The following GPC3 variants were observed in gnomAD, a reference collection of about 807,000 sequenced individuals.
The protein encoded by GPC3 is glypican 3.
In GPC3, 3 loss-of-function variants were observed where a neutral mutation model predicts 34.4. The ratio of observed to expected loss-of-function variants is 0.09; its 90% CI spans 0.04 to 0.23. GPC3 has a LOEUF of 0.23. Ranked by LOEUF, GPC3 falls within the 10% of genes least tolerant of loss-of-function variation. GPC3 has a pLI of 1.00. For synonymous variants in GPC3, 177 were observed against 174.0 expected (o/e 1.02, Z -0.13); for missense variants, 351 against 445.6 (o/e 0.79, Z 1.91).
At chrX:133,758,408 A>G (rs1405609875) in intron 2 of GPC3, among the ~76,000 whole-genome samples, 3 of 111,699 alleles carry the variant, frequency 2.7e-5, no homozygotes, top group Non-Finnish European at 5.6e-5. Flanking sequence ...AGGAACATGA[A>G]TGGAGCTGGA....
At chrX:133,788,088 TTATATATATATATATATATATA>T (rs56318773) in intron 2 of GPC3, among the ~76,000 whole-genome samples, 10 of 64,945 alleles carry the variant, frequency 1.5e-4, no homozygotes, top group African/African-American at 7.0e-5. Context: ...TCATATTATT[TTATATATATATATATATATATA>T]TATATATATA....
intron 5 of GPC3, among the ~76,000 whole-genome samples, chrX:133,675,261 G>T (rs749637584): frequency 5.4e-5 from 6 of 111,689 alleles, no homozygotes; most frequent in Non-Finnish European, 9.4e-5. Context: ...TCACTTCCAG[G>T]CCTCAAACCT....
intron 1 of GPC3, among the ~76,000 whole-genome samples, chrX:133,975,774 T>C (rs767496804): frequency 8.9e-6 from 1 of 112,483 alleles, no homozygotes; most frequent in East Asian, 2.8e-4. Context: ...TTAAAAACTT[T>C]TAAATATTTA....
intron 2 of GPC3, chrX:133,763,581 C>A: frequency 1.7e-6 from 1 of 599,871 alleles, no homozygotes; most frequent in Admixed American, 2.2e-5. Flanking sequence ...TTCAGCAGTT[C>A]CCTACTGAAG....
chrX:133,572,251 A>C (rs934124614), intron 7 of GPC3, among the ~76,000 whole-genome samples: 3 of 112,223 alleles, frequency 2.7e-5, no homozygotes, highest in Non-Finnish European at 3.8e-5. Flanking sequence ...ATATCAGTCA[A>C]AGAAGAAATC....
At chrX:133,568,888 C>A (rs909865656) in intron 7 of GPC3, among the ~76,000 whole-genome samples, 1 of 111,789 alleles carries the variant, frequency 8.9e-6, no homozygotes, top group Non-Finnish European at 1.9e-5. Flanking sequence ...GACTAAAGGC[C>A]GGGCAAGGTG....
chrX:133,983,961 C>T (rs766222365), intron 1 of GPC3, among the ~76,000 whole-genome samples: 1 of 113,338 alleles, frequency 8.8e-6, no homozygotes, highest in African/African-American at 3.2e-5. Flanking sequence ...AACTAAACAG[C>T]AGGCTCACTC....
rs2071700412 is a variant in GPC3, at chrX:133,754,007, T to C, written c.507A>G (p.Glu169=). 3.3e-6 allele frequency: 4 copies of C among 1,210,996 alleles called. No homozygotes were observed. In the East Asian group the frequency reaches 1.2e-4, roughly 36 times the overall value. ...SDINVDDMVN[E]LFDSLFPVIY... ...TGACTGGAAACAGGCTGTCAAACAATTCATTGACCATGTCATCTACATTGA... is the reference window on the plus strand; with the variant it reads ...TGACTGGAAACAGGCTGTCAAACAACTCATTGACCATGTCATCTACATTGA... Residue 169 remains glutamate (E), a synonymous_variant, in exon 3 of 8, where the codon GAA becomes GAG. Coordinates refer to ENST00000370818, the MANE Select transcript of GPC3 (RefSeq NM_004484.4).
intron 6 of GPC3, among the ~76,000 whole-genome samples, chrX:133,619,110 T>A (rs1388856343): frequency 1.8e-5 from 2 of 112,166 alleles, no homozygotes; most frequent in Non-Finnish European, 3.8e-5. Context: ...ATAAATGAAA[T>A]GAAATCAAAA....
intron 2 of GPC3, among the ~76,000 whole-genome samples, chrX:133,912,138 A>G (rs1030982238): frequency 1.3e-4 from 15 of 112,597 alleles, no homozygotes; most frequent in Non-Finnish European, 2.6e-4. Flanking sequence ...TTTACAAAAA[A>G]AAGTGAATTG....
intron 6 of GPC3, among the ~76,000 whole-genome samples, chrX:133,641,385 A>G (rs766291762): frequency 1.2e-4 from 13 of 109,845 alleles, no homozygotes; most frequent in Non-Finnish European, 2.1e-4. Context: ...CTGAGGTGGG[A>G]GAATTGCTTG....
At chrX:133,673,030 C>T (rs929889906) in intron 5 of GPC3, among the ~76,000 whole-genome samples, 4 of 108,795 alleles carry the variant, frequency 3.7e-5, no homozygotes, top group African/African-American at 1.3e-4. Flanking sequence ...CAACCTCTGC[C>T]TCCTGGGTTC....
intron 3 of GPC3, among the ~76,000 whole-genome samples, chrX:133,701,789 C>T (rs756704414): frequency 1.8e-5 from 2 of 111,634 alleles, no homozygotes; most frequent in South Asian, 3.8e-4. Context: ...GCCCTGACAG[C>T]ATTTACTAAG....
intron 6 of GPC3, among the ~76,000 whole-genome samples, chrX:133,605,332 A>G (rs1213453573): frequency 9.0e-6 from 1 of 111,672 alleles, no homozygotes; most frequent in African/African-American, 3.3e-5. Context: ...AATGGGGGAT[A>G]ATACTATTTA....
At chrX:133,711,880 T>C (rs1323334786) in intron 3 of GPC3, among the ~76,000 whole-genome samples, 1 of 112,193 alleles carries the variant, frequency 8.9e-6, no homozygotes, top group Non-Finnish European at 1.9e-5. Context: ...ACCATAATCT[T>C]TGTAACCTTC....
chrX:133,985,163 G>T, intron 1 of GPC3, 112 bp downstream of exon 1: 3 of 849,858 alleles, frequency 3.5e-6, no homozygotes, highest in Non-Finnish European at 3.4e-6. Flanking sequence ...CAAGTGCCCA[G>T]CTGCAGGGCG....
intron 2 of GPC3, among the ~76,000 whole-genome samples, chrX:133,856,027 G>T (rs1456287632): frequency 9.0e-6 from 1 of 111,488 alleles, no homozygotes; most frequent in African/African-American, 3.3e-5. Flanking sequence ...TTATCCATTT[G>T]TCTGTCAATA....
intron 7 of GPC3, among the ~76,000 whole-genome samples, chrX:133,575,335 G>C (rs753100068): frequency 9.0e-6 from 1 of 111,652 alleles, no homozygotes; most frequent in African/African-American, 3.3e-5. Context: ...CAATAATCAT[G>C]TGTGGATAAA....
chrX:133,669,941 C>T (rs2070810785), intron 5 of GPC3, among the ~76,000 whole-genome samples: 1 of 111,186 alleles, frequency 9.0e-6, no homozygotes, highest in African/African-American at 3.3e-5. Flanking sequence ...GGACATGCTT[C>T]TGTTCAGGCA....
Sources: gnomAD v4.1 joint callset for allele counts (sites outside exome capture counted in the v4.1 genomes callset) on GRCh38, gnomAD v4.1.1 for gene constraint, MANE v1.5 for transcripts, NCBI Gene and HGNC (gene_info 2026-07-23, HGNC 2026-07-21) for gene names.